PTPRD: variants seen among roughly 807,000 people sequenced by gnomAD.
PTPRD encodes protein tyrosine phosphatase receptor type D, also known as receptor-type tyrosine-protein phosphatase delta.
Under a neutral mutation model 214.5 loss-of-function variants are expected in PTPRD, and 34 were observed. The observed-to-expected ratio is 0.16, with a 90% CI of 0.12 to 0.21. The LOEUF (loss-of-function observed/expected upper bound fraction) is 0.21, where lower values mean the gene tolerates loss of function less well. Among genes scored for constraint, PTPRD ranks in the 10% least tolerant of loss-of-function variants. PTPRD has a pLI of 1.00. For synonymous variants in PTPRD, 1,128 were observed against 845.7 expected (o/e 1.33, Z -5.79); for missense variants, 2,545 against 2,398.7 (o/e 1.06, Z -1.27).
intron 14 of PTPRD, among the ~76,000 whole-genome samples, chr9:8,602,785 T>C (rs990345760): frequency 3.3e-5 from 5 of 152,262 alleles, no homozygotes; most frequent in African/African-American, 9.6e-5. Flanking sequence ...TGCATGTGCA[T>C]ATATATGCAT....
intron 15 of PTPRD, among the ~76,000 whole-genome samples, chr9:8,527,649 T>C (rs916613045): frequency 1.3e-5 from 2 of 152,076 alleles, no homozygotes; most frequent in African/African-American, 4.8e-5. Context: ...TTACTACCAA[T>C]GTCAAAGTAA....
intron 12 of PTPRD, among the ~76,000 whole-genome samples, chr9:8,717,023 C>A (rs1457171715): frequency 6.6e-6 from 1 of 152,102 alleles, no homozygotes; most frequent in African/African-American, 2.4e-5. Context: ...AAAAAATTAA[C>A]CAGGCATGGT....
At chr9:10,570,612 CTTA>C (rs1156978514) in intron 2 of PTPRD, among the ~76,000 whole-genome samples, 1 of 151,986 alleles carries the variant, frequency 6.6e-6, no homozygotes. Flanking sequence ...GGATGGGAAC[CTTA>C]TTATTTTATT....
chr9:10,394,417 A>T (rs1473465954), intron 2 of PTPRD, among the ~76,000 whole-genome samples: 1 of 151,486 alleles, frequency 6.6e-6, no homozygotes, highest in Admixed American at 6.6e-5. Flanking sequence ...CCTTCTTCTT[A>T]GTTAGGAACA....
At chr9:10,310,104 G>T (rs1251209567) in intron 3 of PTPRD, among the ~76,000 whole-genome samples, 1 of 151,858 alleles carries the variant, frequency 6.6e-6, no homozygotes, top group Non-Finnish European at 1.5e-5. Context: ...TCTCTTTTTG[G>T]ACACACGAAC....
intron 3 of PTPRD, among the ~76,000 whole-genome samples, chr9:10,166,361 G>T (rs1592933731): frequency 6.7e-6 from 1 of 148,632 alleles, no homozygotes; most frequent in Admixed American, 6.7e-5. Context: ...GCTTTTTTCT[G>T]ATGCCAATGC....
At chr9:10,346,305 A>G (rs1474476827) in intron 2 of PTPRD, among the ~76,000 whole-genome samples, 1 of 152,180 alleles carries the variant, frequency 6.6e-6, no homozygotes, top group Non-Finnish European at 1.5e-5. Flanking sequence ...CCAGGAATGA[A>G]CATGACACCT....
At chr9:9,136,706 T>C (rs1422199620) in intron 10 of PTPRD, among the ~76,000 whole-genome samples, 2 of 152,200 alleles carry the variant, frequency 1.3e-5, no homozygotes, top group African/African-American at 4.8e-5. Flanking sequence ...AGTTTATCTG[T>C]ATGTATTTGC....
chr9:9,066,017 A>T (rs1426212284), intron 10 of PTPRD, among the ~76,000 whole-genome samples: 1 of 152,192 alleles, frequency 6.6e-6, no homozygotes, highest in Admixed American at 6.5e-5. Context: ...AGCTGTTGTT[A>T]TACATGTGAT....
At chr9:10,235,267 C>T (rs896037367) in intron 3 of PTPRD, among the ~76,000 whole-genome samples, 2 of 151,904 alleles carry the variant, frequency 1.3e-5, no homozygotes, top group African/African-American at 2.4e-5. Context: ...TTTCCATAAC[C>T]TTATTTTAGC....
intron 8 of PTPRD, among the ~76,000 whole-genome samples, chr9:9,562,159 T>C (rs1365735656): frequency 6.6e-6 from 1 of 152,176 alleles, no homozygotes; most frequent in African/African-American, 2.4e-5. Flanking sequence ...TATTTTTATT[T>C]TTTGGTAAAA....
In PTPRD at chr9:9,904,142, TCAGA is replaced by T. The variant is rs1482436574; in HGVS notation, c.-368+34361_-368+34364del. 3.9e-4 allele frequency among the ~76,000 whole-genome samples: 59 copies of T among 152,098 alleles called. 1 individual carries two copies. Among genetic ancestry groups the T allele is most frequent in the Non-Finnish European group, 7.4e-5 (5 of 68,018 alleles). On this transcript the variant is annotated intron_variant, in intron 5 of 45. Coordinates refer to ENST00000381196, the MANE Select transcript of PTPRD (RefSeq NM_002839.4). The stretch of plus-strand genomic sequence containing the variant: ...TCTTCTCACAAAGAATCTCTCTGTG[TCAGA>T]CAAAGATGGGTGGTACAGTGTGTCT...
intron 2 of PTPRD, among the ~76,000 whole-genome samples, chr9:10,387,535 C>T (rs1455196494): frequency 6.6e-6 from 1 of 151,784 alleles, no homozygotes; most frequent in East Asian, 2.0e-4. Flanking sequence ...CTGGCCTCGC[C>T]TTTCCTCCCT....
At chr9:9,474,868 G>C (rs1185789149) in intron 8 of PTPRD, among the ~76,000 whole-genome samples, 1 of 152,044 alleles carries the variant, frequency 6.6e-6, no homozygotes, top group Non-Finnish European at 1.5e-5. Context: ...GTAAGATTAT[G>C]TGGTTTGCAA....
intron 6 of PTPRD, among the ~76,000 whole-genome samples, chr9:9,737,902 A>G (rs562623139): frequency 6.6e-6 from 1 of 152,258 alleles, no homozygotes; most frequent in East Asian, 1.9e-4. Context: ...GAACTGCCAA[A>G]CTGTCTTCCA....
rs944370486 is a variant in PTPRD at position 10,465,499 on chromosome 9, C to G, written c.-599-124482G>C. Among the ~76,000 whole-genome samples, 12 of 152,262 alleles carry G rather than the reference C, an allele frequency of 7.9e-5. No individual in the cohort carries two copies. The Middle Eastern group carries it at 0.02, about 259-fold the overall frequency. On this transcript the variant is annotated intron_variant, in intron 2 of 45. Transcript: ENST00000381196. Reference sequence around the variant, plus strand: ...TGTCGTCATGTGCCACATGACATTTCAGTCAATGACAGACTGCTTATACAA... The same window carrying G: ...TGTCGTCATGTGCCACATGACATTTGAGTCAATGACAGACTGCTTATACAA...
intron 10 of PTPRD, among the ~76,000 whole-genome samples, chr9:9,172,410 C>T (rs1259631540): frequency 1.3e-5 from 2 of 152,072 alleles, no homozygotes; most frequent in East Asian, 1.9e-4. Context: ...CTCTTCTCTT[C>T]CTCCTCTCTT....
intron 6 of PTPRD, among the ~76,000 whole-genome samples, chr9:9,743,313 T>G (rs1044812699): frequency 6.6e-6 from 1 of 152,200 alleles, no homozygotes; most frequent in African/African-American, 2.4e-5. Flanking sequence ...CAAGAGTCTG[T>G]GTTCTGACTT....
chr9:9,251,623 C>T (rs145367118), intron 9 of PTPRD, among the ~76,000 whole-genome samples: 2 of 152,068 alleles, frequency 1.3e-5, no homozygotes, highest in East Asian at 1.9e-4. Context: ...TACTATATTG[C>T]TATTATTATT....
Sources: allele counts gnomAD v4.1 joint callset (sites outside exome capture counted in the v4.1 genomes callset), GRCh38; gene constraint gnomAD v4.1.1; transcripts MANE v1.5; gene names NCBI Gene and HGNC (gene_info 2026-07-23, HGNC 2026-07-21).